Variants in ERC1 observed in about 807,000 individuals in gnomAD.
ERC1 encodes ELKS/RAB6-interacting/CAST family member 1, also known as RAB6 interacting protein 2.
ERC1 carries 56 observed loss-of-function variants against 132.0 expected under a neutral mutation model. That is an observed-to-expected ratio of 0.42 (90% CI 0.34 to 0.53). The LOEUF (loss-of-function observed/expected upper bound fraction) is 0.53, where lower values mean the gene tolerates loss of function less well. Among genes scored for constraint, ERC1 ranks in the 20% least tolerant of loss-of-function variants. The pLI is 0.03. For missense variants in ERC1, 1,202 were observed against 1,349.9 expected (o/e 0.89, Z 1.72); for synonymous variants, 478 against 476.1 (o/e 1.00, Z -0.05).
intron 18 of ERC1, among the ~76,000 whole-genome samples, chr12:1,460,812 G>C (rs147437588): frequency 1.8e-3 from 271 of 151,620 alleles, no homozygotes; most frequent in African/African-American, 6.3e-3. Context: ...GACAGTATTT[G>C]AATGTGACAT....
intron 2 of ERC1, among the ~76,000 whole-genome samples, chr12:1,052,143 C>T (rs943253521): frequency 6.6e-6 from 1 of 152,180 alleles, no homozygotes; most frequent in Non-Finnish European, 1.5e-5. Context: ...TGGGACTCAT[C>T]CTCAGAATTT....
intron 15 of ERC1, among the ~76,000 whole-genome samples, chr12:1,312,734 T>A (rs1363747810): frequency 6.6e-6 from 1 of 152,164 alleles, no homozygotes; most frequent in Non-Finnish European, 1.5e-5. Context: ...AAGATAATTG[T>A]TTCTGTTAAA....
At chr12:1,331,679 C>T (rs1229395458) in intron 15 of ERC1, among the ~76,000 whole-genome samples, 2 of 152,152 alleles carry the variant, frequency 1.3e-5, no homozygotes, top group African/African-American at 2.4e-5. Flanking sequence ...TGGTGTTAAG[C>T]GATGAGCCTG....
chr12:1,319,548 A>C (rs1262694616), intron 15 of ERC1, among the ~76,000 whole-genome samples: 2 of 152,230 alleles, frequency 1.3e-5, no homozygotes, highest in African/African-American at 4.8e-5. Flanking sequence ...TTTTCTTTCA[A>C]GTAAATAAAC....
chr12:1,284,695 G>T (rs536355416), intron 14 of ERC1, among the ~76,000 whole-genome samples: 1 of 152,272 alleles, frequency 6.6e-6, no homozygotes, highest in African/African-American at 2.4e-5. Context: ...GGGAGAGACA[G>T]TGTCTTGTTC....
intron 12 of ERC1, among the ~76,000 whole-genome samples, chr12:1,229,270 G>C (rs2074843327): frequency 6.6e-6 from 1 of 152,166 alleles, no homozygotes; most frequent in African/African-American, 2.4e-5. Context: ...GGGAGGCCAA[G>C]GTGGGAGGAT....
At chr12:1,375,631 C>A (rs1168531082) in intron 16 of ERC1, among the ~76,000 whole-genome samples, 1 of 152,042 alleles carries the variant, frequency 6.6e-6, no homozygotes, top group Non-Finnish European at 1.5e-5. Flanking sequence ...TCCCCCCTTC[C>A]ATTCCCTGTC....
intron 17 of ERC1, chr12:1,443,713 C>G (rs2093226869): frequency 6.6e-6 from 1 of 152,306 alleles, no homozygotes; most frequent in Non-Finnish European, 1.5e-5. Context: ...TACCAAATAC[C>G]TGGCCAGACT....
chr12:1,306,750 T>G (rs1456557352), intron 15 of ERC1, among the ~76,000 whole-genome samples: 1 of 152,192 alleles, frequency 6.6e-6, no homozygotes, highest in Non-Finnish European at 1.5e-5. Flanking sequence ...TTTTTTGTTT[T>G]TTTTAGACAG....
At chr12:1,002,420 C>T (rs375174754) in intron 1 of ERC1, among the ~76,000 whole-genome samples, 24 of 150,410 alleles carry the variant, frequency 1.6e-4, no homozygotes, top group African/African-American at 5.1e-4. Flanking sequence ...CTCCTGAGCT[C>T]AAGTAATCTG....
At chr12:1,440,420 A>C (rs372672337) in intron 17 of ERC1, among the ~76,000 whole-genome samples, 32 of 149,192 alleles carry the variant, frequency 2.1e-4, no homozygotes, top group East Asian at 7.9e-4. Context: ...GTTAGCCAGG[A>C]TGGTCTCGAT....
chr12:1,472,176 A>G (rs1244561917), intron 18 of ERC1, among the ~76,000 whole-genome samples: 1 of 152,158 alleles, frequency 6.6e-6, no homozygotes, highest in Non-Finnish European at 1.5e-5. Context: ...ATGATAATTT[A>G]TGTTTTTATA....
intron 17 of ERC1, among the ~76,000 whole-genome samples, chr12:1,436,789 G>A (rs866164721): frequency 2.0e-5 from 3 of 152,110 alleles, no homozygotes; most frequent in East Asian, 1.9e-4. Flanking sequence ...CCAACTGCCC[G>A]CCTAGCTTTT....
At chr12:1,473,811 A>G (rs765205420) in intron 18 of ERC1, among the ~76,000 whole-genome samples, 7 of 152,120 alleles carry the variant, frequency 4.6e-5, no homozygotes, top group Non-Finnish European at 1.0e-4. Flanking sequence ...CTTCAAGAGC[A>G]ATTTTAGTTT....
At chr12:1,081,835 T>C (rs544739861) in intron 2 of ERC1, among the ~76,000 whole-genome samples, 1 of 152,220 alleles carries the variant, frequency 6.6e-6, no homozygotes, top group East Asian at 1.9e-4. Flanking sequence ...GTTAGGAAAG[T>C]AGATGTCATG....
intron 15 of ERC1, among the ~76,000 whole-genome samples, chr12:1,352,720 A>G (rs2085126273): frequency 6.6e-6 from 1 of 152,236 alleles, no homozygotes; most frequent in African/African-American, 2.4e-5. Context: ...CAGACATTTG[A>G]GAGAATGAAA....
At chr12:1,314,499 C>G (rs999832437) in intron 15 of ERC1, among the ~76,000 whole-genome samples, 3 of 152,214 alleles carry the variant, frequency 2.0e-5, no homozygotes, top group Admixed American at 1.3e-4. Context: ...GTGTATTTAT[C>G]AAAGGTTTTA....
At chr12:1,156,174 A>T (rs1951374472) in intron 8 of ERC1, among the ~76,000 whole-genome samples, 1 of 152,170 alleles carries the variant, frequency 6.6e-6, no homozygotes, top group African/African-American at 2.4e-5. Flanking sequence ...CTTCTACCAT[A>T]ATTTAACTAA....
intron 7 of ERC1, among the ~76,000 whole-genome samples, chr12:1,120,637 A>T (rs796616295): frequency 3.3e-5 from 5 of 152,316 alleles, no homozygotes; most frequent in East Asian, 1.9e-4. Flanking sequence ...TGAATTCTCA[A>T]TGTGCAGAGC....
Sources: allele counts gnomAD v4.1 joint callset (sites outside exome capture counted in the v4.1 genomes callset), GRCh38; gene constraint gnomAD v4.1.1; transcripts MANE v1.5; gene names NCBI Gene and HGNC (gene_info 2026-07-23, HGNC 2026-07-21).